SRBD1: variants seen among roughly 807,000 people sequenced by gnomAD.
SRBD1 encodes the protein S1 RNA binding domain 1.
A neutral mutation model predicts 115.3 loss-of-function variants in SRBD1; 88 were observed. That is an observed-to-expected ratio of 0.76 (90% confidence interval 0.64 to 0.91). The LOEUF (loss-of-function observed/expected upper bound fraction) is 0.91. SRBD1 is among the 40% of genes least tolerant of loss of function. The pLI is 0.00. For synonymous variants in SRBD1, 509 were observed against 407.7 expected, an observed-to-expected ratio of 1.25 and a Z score of -2.99; for missense variants, 1,385 against 1,177.4, an observed-to-expected ratio of 1.18 and a Z score of -2.58.
At position 45,571,517 on chromosome 2, in the gene SRBD1, C is replaced by CAAAAAA. The variant is rs58100763; in HGVS notation, c.1305+1684_1305+1689dup. 1.9e-3 allele frequency among the ~76,000 whole-genome samples: 76 copies of CAAAAAA among 39,380 alleles called. 4 individuals carry two copies. Among genetic ancestry groups the CAAAAAA allele is most frequent in the Admixed American group, 2.9e-3 (9 of 3,066 alleles). 25.8% of individuals were successfully genotyped at this position (39,380 alleles called of 152,430 possible). On this transcript the variant is annotated intron_variant, in intron 9 of 20. Coordinates refer to ENST00000263736, the MANE Select transcript of SRBD1 (RefSeq NM_018079.5). ...AAAATACAACATATCCAGACTTTAC[C>CAAAAAA]AAAAAAAAAAAAAAAAAAAAAAAAA...
chr2:45,395,795 A>T (rs1667130881), intron 19 of SRBD1, among the ~76,000 whole-genome samples: 1 of 152,194 alleles, frequency 6.6e-6, no homozygotes, highest in African/African-American at 2.4e-5. Context: ...ATGATAGGAA[A>T]CAATGTTTTA....
chr2:45,411,215 G>T (rs1667592278), intron 19 of SRBD1, among the ~76,000 whole-genome samples: 1 of 152,168 alleles, frequency 6.6e-6, no homozygotes, highest in South Asian at 2.1e-4. Flanking sequence ...CTGCAGAATT[G>T]ACTGGTTGGA....
chr2:45,602,986 A>C (rs949745186), intron 2 of SRBD1, among the ~76,000 whole-genome samples: 1 of 152,226 alleles, frequency 6.6e-6, no homozygotes, highest in African/African-American at 2.4e-5. Flanking sequence ...AGGAAAAACA[A>C]ACAATCAAAC....
chr2:45,549,953 G>A (rs1217681151), intron 12 of SRBD1, among the ~76,000 whole-genome samples: 1 of 151,820 alleles, frequency 6.6e-6, no homozygotes. Flanking sequence ...AATTCGAGAT[G>A]AAAGAAAAAA....
chr2:45,442,229 T>C (rs1010933320), intron 16 of SRBD1, among the ~76,000 whole-genome samples: 1 of 152,148 alleles, frequency 6.6e-6, no homozygotes, highest in African/African-American at 2.4e-5. Flanking sequence ...ACAGACAGAT[T>C]CTCTATCTTA....
intron 14 of SRBD1, among the ~76,000 whole-genome samples, chr2:45,513,500 T>C (rs1273592935): frequency 6.6e-6 from 1 of 151,720 alleles, no homozygotes; most frequent in Non-Finnish European, 1.5e-5. Flanking sequence ...TCATGCTGAA[T>C]TCTAAAGTGC....
At chr2:45,427,811 T>C (rs1311076997) in intron 16 of SRBD1, among the ~76,000 whole-genome samples, 1 of 152,010 alleles carries the variant, frequency 6.6e-6, no homozygotes, top group Non-Finnish European at 1.5e-5. Context: ...TGGTTCAACA[T>C]ACACAATACC....
rs150947262 is a variant in SRBD1 at position 45,490,249 on chromosome 2, G to T, written c.1875-1918C>A. Among the ~76,000 whole-genome samples, 368 of 152,178 alleles carry T rather than the reference G, an allele frequency of 2.4e-3. 4 individuals carry two copies. The highest frequency in any genetic ancestry group is 8.4e-3 in the African/African-American group (347 of 41,546). On this transcript the variant is annotated intron_variant, in intron 14 of 20. Transcript: ENST00000263736. Reference sequence around the variant, plus strand: ...TGATTTTTTCAGTTCCATTATAGTGGCATTTCCTAACCAGGGGCCCTTGGA... The same window carrying T: ...TGATTTTTTCAGTTCCATTATAGTGTCATTTCCTAACCAGGGGCCCTTGGA...
intron 11 of SRBD1, among the ~76,000 whole-genome samples, chr2:45,552,297 T>C (rs896528124): frequency 1.5e-4 from 23 of 152,218 alleles, no homozygotes; most frequent in African/African-American, 5.1e-4. Context: ...CTGTAGATAA[T>C]ACCTGCAAAC....
chr2:45,600,536 C>G (rs1267764784), intron 3 of SRBD1, among the ~76,000 whole-genome samples: 1 of 152,224 alleles, frequency 6.6e-6, no homozygotes, highest in African/African-American at 2.4e-5. Flanking sequence ...CCACCAATTT[C>G]TGCTGAAGAG....
intron 9 of SRBD1, among the ~76,000 whole-genome samples, chr2:45,564,566 G>T (rs1393937500): frequency 6.6e-6 from 1 of 152,054 alleles, no homozygotes; most frequent in East Asian, 1.9e-4. Context: ...CAGAACACAA[G>T]CTCAACAAAT....
chr2:45,573,155 A>G (rs1673072357), intron 9 of SRBD1, 52 bp downstream of exon 9: 1 of 1,508,470 alleles, frequency 6.6e-7, no homozygotes, highest in Non-Finnish European at 8.8e-7. Flanking sequence ...GGCAAATCCA[A>G]AATATTATCA....
chr2:45,528,503 C>T (rs1008149430), intron 14 of SRBD1, among the ~76,000 whole-genome samples: 2 of 151,690 alleles, frequency 1.3e-5, no homozygotes, highest in Admixed American at 1.3e-4. Flanking sequence ...ATTTAAAAAA[C>T]ACATAAAAAA....
At chr2:45,503,043 T>C (rs1670684800) in intron 14 of SRBD1, among the ~76,000 whole-genome samples, 1 of 152,132 alleles carries the variant, frequency 6.6e-6, no homozygotes, top group Non-Finnish European at 1.5e-5. Context: ...AGAATCACTG[T>C]TCTAAAGCCT....
In SRBD1 at chr2:45,523,342, G is replaced by A. The variant is rs555355096; in HGVS notation, c.1874+23390C>T. On this transcript the variant is annotated intron_variant, in intron 14 of 20. Transcript: ENST00000263736. ...AAGGAAGGAAGTAATAAAGATTACA[G>A]CAGAACTTAATAAAACAAAGAAGAG... Among the ~76,000 whole-genome samples the A allele has an allele frequency of 3.4e-5, 5 of 145,902 alleles. No homozygotes were observed. In the South Asian group the frequency reaches 1.1e-3, roughly 32 times the overall value.
chr2:45,557,443 T>G (rs1329366082), intron 10 of SRBD1, among the ~76,000 whole-genome samples: 3 of 152,144 alleles, frequency 2.0e-5, no homozygotes, highest in Non-Finnish European at 4.4e-5. Context: ...AAACCCCCAG[T>G]AGTCTTCTTC....
At chr2:45,393,570 C>T (rs1287861335) in intron 19 of SRBD1, among the ~76,000 whole-genome samples, 4 of 152,054 alleles carry the variant, frequency 2.6e-5, no homozygotes, top group Non-Finnish European at 4.4e-5. Flanking sequence ...TTAGTAGAGA[C>T]GGGGTTTCAC....
intron 19 of SRBD1, among the ~76,000 whole-genome samples, chr2:45,398,522 A>C (rs777126084): frequency 3.3e-5 from 5 of 152,198 alleles, no homozygotes; most frequent in Non-Finnish European, 7.3e-5. Flanking sequence ...AAGATCTGTT[A>C]TACATGTACA....
chr2:45,421,539 A>AAAAAAAAT (rs1668006412), intron 16 of SRBD1, among the ~76,000 whole-genome samples: 1 of 148,294 alleles, frequency 6.7e-6, no homozygotes, highest in Non-Finnish European at 1.5e-5. Context: ...AAAAAAAAAA[A>AAAAAAAAT]AAAAAAGTCA....
Sources: gnomAD v4.1 joint callset for allele counts (sites outside exome capture counted in the v4.1 genomes callset) on GRCh38, gnomAD v4.1.1 for gene constraint, MANE v1.5 for transcripts, NCBI Gene and HGNC (gene_info 2026-07-23, HGNC 2026-07-21) for gene names.